The following SORCS2 variants were observed in gnomAD, a reference collection of about 807,000 sequenced individuals.
SORCS2 encodes the protein VPS10 domain-containing receptor SorCS2.
SORCS2 carries 100 observed loss-of-function variants against 141.6 expected under a neutral mutation model. That is an observed-to-expected ratio of 0.71 (90% CI 0.60 to 0.83). The LOEUF (loss-of-function observed/expected upper bound fraction) is 0.83, where lower values mean the gene tolerates loss of function less well. SORCS2 is among the 40% of genes least tolerant of loss of function. The probability of loss-of-function intolerance (pLI) is 0.00; values close to 1 mark genes in which losing one functional copy is unlikely to be tolerated. For synonymous variants in SORCS2, 789 were observed against 676.9 expected (o/e 1.17, Z -2.57); for missense variants, 1,646 against 1,560.2 (o/e 1.05, Z -0.93).
At chr4:7,214,719 G>A (rs562904885) in intron 1 of SORCS2, among the ~76,000 whole-genome samples, 3 of 152,294 alleles carry the variant, frequency 2.0e-5, no homozygotes, top group African/African-American at 4.8e-5. Flanking sequence ...AGCACATTCC[G>A]GCATATCTGG....
chr4:7,469,344 CAG>C, intron 2 of SORCS2, among the ~76,000 whole-genome samples: 1 of 152,156 alleles, frequency 6.6e-6, no homozygotes, highest in Non-Finnish European at 1.5e-5. Context: ...AACGCAGAGA[CAG>C]TGCTCACAAA....
chr4:7,664,712 G>A lies in SORCS2; in HGVS notation c.1071+241G>A, dbSNP rs1167338837. On this transcript the variant is annotated intron_variant, in intron 7 of 26. Transcript: ENST00000507866. The surrounding 1 kb of genome is among the most constrained non-coding windows in gnomAD (Gnocchi z 4.7). ...GCTCCACCTCCCTTCTGGCCACCAC[G>A]AACCTCCCAGCCACTCGGGGTCCCC... Among the ~76,000 whole-genome samples the A allele has an allele frequency of 6.6e-6, 1 of 152,210 alleles. No individual in the cohort carries two copies. The highest frequency in any genetic ancestry group is 1.5e-5 in the Non-Finnish European group (1 of 67,998).
intron 1 of SORCS2, among the ~76,000 whole-genome samples, chr4:7,244,056 A>G (rs115334537): frequency 1.3e-5 from 2 of 151,984 alleles, no homozygotes; most frequent in African/African-American, 4.8e-5. Context: ...CTTTGCCCCT[A>G]TTTGTCGTTG....
rs189572761 is a variant in SORCS2 at position 7,217,018 on chromosome 4, C to T, written c.480+23892C>T. Among the ~76,000 whole-genome samples, 206 of 152,318 alleles carry T rather than the reference C, an allele frequency of 1.4e-3. 1 individual carries two copies. The highest frequency in any genetic ancestry group is 4.8e-3 in the African/African-American group (200 of 41,586). ...GGTTCCCGTGGCTCTTCCAATCCTCCGACCGCACTACAGCTGCGCTCCTTT... is the reference window on the plus strand; with the variant it reads ...GGTTCCCGTGGCTCTTCCAATCCTCTGACCGCACTACAGCTGCGCTCCTTT... On this transcript the variant is annotated intron_variant, in intron 1 of 26. Transcript: ENST00000507866.
rs143890966 is a variant in SORCS2 at position 7,286,020 on chromosome 4, C to T, written c.480+92894C>T. Among the ~76,000 whole-genome samples the T allele has an allele frequency of 2.0e-4, 31 of 152,320 alleles. No homozygotes were observed. Among genetic ancestry groups the T allele is most frequent in the African/African-American group, 7.0e-4 (29 of 41,578 alleles). ...GCCGGCACCGTGCTCCGTGCCCTGC[C>T]GAGAGCCAGCTGCCCCGCCGGGGGC... is the stretch of plus-strand genomic sequence containing the variant. On this transcript the variant is annotated intron_variant, in intron 1 of 26. Coordinates refer to ENST00000507866, the MANE Select transcript of SORCS2 (RefSeq NM_020777.3). This position sits in a 1 kb window ranked among gnomAD's most constrained non-coding sequence, Gnocchi z 4.1.
At chr4:7,612,258 G>T (rs115801466) in intron 3 of SORCS2, among the ~76,000 whole-genome samples, 24,461 of 152,134 alleles carry the variant, frequency 0.16, 2,033 homozygotes, top group Middle Eastern at 0.25. Context: ...GCTTTTGGGA[G>T]GTCACAGGGG....
chr4:7,288,072 C>T (rs1037040675), intron 1 of SORCS2, among the ~76,000 whole-genome samples: 2 of 152,130 alleles, frequency 1.3e-5, no homozygotes, highest in East Asian at 1.9e-4. Flanking sequence ...CGGCCTCCTC[C>T]GGTGATTTCA....
At chr4:7,302,793 G>A (rs954862035) in intron 1 of SORCS2, among the ~76,000 whole-genome samples, 16 of 114,514 alleles carry the variant, frequency 1.4e-4, no homozygotes, top group African/African-American at 2.8e-4. Flanking sequence ...GTGTGTGCGC[G>A]CGCGTGTGTG....
intron 2 of SORCS2, among the ~76,000 whole-genome samples, chr4:7,399,504 C>G (rs898654830): frequency 1.3e-5 from 2 of 152,198 alleles, no homozygotes; most frequent in Admixed American, 6.5e-5. Context: ...GCACCCCCTC[C>G]TGGCTTCCCT....
chr4:7,564,782 CAAT>C (rs1236798125), intron 3 of SORCS2, among the ~76,000 whole-genome samples: 3 of 152,240 alleles, frequency 2.0e-5, no homozygotes, highest in African/African-American at 4.8e-5. Flanking sequence ...GTCGCTGTTA[CAAT>C]GAGTATTACA....
chr4:7,649,232 G>A (rs1721276789), intron 4 of SORCS2, among the ~76,000 whole-genome samples: 1 of 152,224 alleles, frequency 6.6e-6, no homozygotes, highest in African/African-American at 2.4e-5. Flanking sequence ...ACGCGCAGAT[G>A]CTCAGAGGAC....
At chr4:7,362,336 G>T (rs141279912) in intron 1 of SORCS2, among the ~76,000 whole-genome samples, 1 of 152,090 alleles carries the variant, frequency 6.6e-6, no homozygotes, top group East Asian at 1.9e-4. Flanking sequence ...CTTCCACGCC[G>T]CATCCTACCT....
rs75045499 is a variant in SORCS2 at position 7,725,780 on chromosome 4, G to C, written c.2745+493G>C. On this transcript the variant is annotated intron_variant, in intron 20 of 26. Transcript: ENST00000507866. ...AAATTAGCAGAATGCCTGGACTGGG[G>C]GCAAGACCCAGTGAAGGGCATCCTC... Among the ~76,000 whole-genome samples, 840 of 152,282 alleles carry C rather than the reference G, an allele frequency of 5.5e-3. 15 individuals carry two copies. The highest frequency in any genetic ancestry group is 0.019 in the African/African-American group (798 of 41,548).
intron 1 of SORCS2, among the ~76,000 whole-genome samples, chr4:7,210,357 C>T (rs1727991814): frequency 6.6e-6 from 1 of 152,244 alleles, no homozygotes; most frequent in Admixed American, 6.5e-5. Flanking sequence ...TCTTGGCTCA[C>T]TGCAGCCTCC....
At chr4:7,234,133 T>C (rs6414634) in intron 1 of SORCS2, among the ~76,000 whole-genome samples, 125,357 of 151,656 alleles carry the variant, frequency 0.83, 51,824 homozygotes, top group African/African-American at 0.85. Flanking sequence ...AGAAAGATGC[T>C]TGGGATTTGG....
chr4:7,640,375 TA>T (rs1209719786), intron 4 of SORCS2, among the ~76,000 whole-genome samples: 2 of 148,988 alleles, frequency 1.3e-5, no homozygotes, highest in Admixed American at 6.7e-5. Context: ...TGTGTGAATG[TA>T]CATGAGTGTG....
At chr4:7,627,149 C>A (rs900027598) in intron 3 of SORCS2, among the ~76,000 whole-genome samples, 8 of 152,064 alleles carry the variant, frequency 5.3e-5, no homozygotes, top group African/African-American at 1.4e-4. Context: ...CCAAGCCCGG[C>A]TAATTTTTCT....
At chr4:7,640,209 T>C (rs1720606627) in intron 4 of SORCS2, among the ~76,000 whole-genome samples, 1 of 141,218 alleles carries the variant, frequency 7.1e-6, no homozygotes, top group Admixed American at 7.1e-5. Flanking sequence ...AGTGTGTACA[T>C]GTATGGGTGT....
At chr4:7,519,178 T>C (rs1422571823) in intron 2 of SORCS2, among the ~76,000 whole-genome samples, 1 of 152,220 alleles carries the variant, frequency 6.6e-6, no homozygotes, top group African/African-American at 2.4e-5. Flanking sequence ...CACCGGCAGC[T>C]CTGCCTGTGC....
Sources: allele counts gnomAD v4.1 joint callset (sites outside exome capture counted in the v4.1 genomes callset), GRCh38; gene constraint gnomAD v4.1.1; non-coding constraint Gnocchi (gnomAD v3.1); transcripts MANE v1.5; gene names NCBI Gene and HGNC (gene_info 2026-07-23, HGNC 2026-07-21).